Variants in SYN3 observed in about 807,000 individuals in gnomAD.
The protein encoded by SYN3 is synapsin III.
A neutral mutation model predicts 65.8 loss-of-function variants in SYN3; 35 were observed. The observed-to-expected ratio is 0.53, with a 90% CI of 0.41 to 0.70. SYN3 has a LOEUF of 0.70. Ranked by LOEUF, SYN3 falls within the 30% of genes least tolerant of loss-of-function variation. The pLI is 0.00. For synonymous variants in SYN3, 270 were observed against 292.9 expected (o/e 0.92, Z 0.80); for missense variants, 680 against 749.0 (o/e 0.91, Z 1.08).
chr22:32,963,035 G>A (rs1601797108), intron 3 of SYN3, among the ~76,000 whole-genome samples: 1 of 150,128 alleles, frequency 6.7e-6, no homozygotes, highest in African/African-American at 2.4e-5. Context: ...AGGGATAAAT[G>A]GCTTAAGATA....
chr22:32,720,902 C>A (rs1307244931), intron 6 of SYN3, among the ~76,000 whole-genome samples: 1 of 152,176 alleles, frequency 6.6e-6, no homozygotes, highest in Non-Finnish European at 1.5e-5. Context: ...CCTCTACCCC[C>A]ACCTCTCTGC....
At chr22:33,042,162 C>A (rs2053976026) in intron 1 of SYN3, among the ~76,000 whole-genome samples, 1 of 152,162 alleles carries the variant, frequency 6.6e-6, no homozygotes, top group Non-Finnish European at 1.5e-5. Context: ...TCAAGCAGAA[C>A]CTGACCAGTC....
chr22:32,596,835 T>A, intron 6 of SYN3, 99 bp from the exon 7 acceptor site: 2 of 1,228,750 alleles, frequency 1.6e-6, no homozygotes, highest in Non-Finnish European at 2.3e-6. Context: ...TCATTTCATA[T>A]GGTCGGGAAT....
At chr22:32,771,051 C>T (rs1223233435) in intron 6 of SYN3, among the ~76,000 whole-genome samples, 1 of 152,084 alleles carries the variant, frequency 6.6e-6, no homozygotes, top group Admixed American at 6.5e-5. Context: ...AATGCTCTCC[C>T]TCCCCTTGCC....
intron 6 of SYN3, among the ~76,000 whole-genome samples, chr22:32,820,850 G>A (rs1434247530): frequency 1.3e-5 from 2 of 152,190 alleles, no homozygotes; most frequent in Non-Finnish European, 2.9e-5. Context: ...TAGATTAGAA[G>A]TGATGTATGA....
At chr22:32,597,604 T>C (rs1054652404) in intron 6 of SYN3, among the ~76,000 whole-genome samples, 1 of 152,192 alleles carries the variant, frequency 6.6e-6, no homozygotes, top group Admixed American at 6.5e-5. Context: ...GGCTGCTTAA[T>C]AATAGCGGCC....
chr22:32,540,760 G>A (rs758591705), intron 8 of SYN3, among the ~76,000 whole-genome samples: 84 of 152,292 alleles, frequency 5.5e-4, no homozygotes, highest in East Asian at 9.6e-4. Context: ...CACACTGCAT[G>A]CCTTCTTATA....
At chr22:32,965,141 TGG>T (rs574583793) in intron 3 of SYN3, among the ~76,000 whole-genome samples, 92 of 152,278 alleles carry the variant, frequency 6.0e-4, no homozygotes, top group African/African-American at 2.0e-3. Context: ...CAGTACTCTG[TGG>T]GGTGGTGATG....
chr22:32,740,492 G>A (rs1044148148), intron 6 of SYN3, among the ~76,000 whole-genome samples: 1 of 152,182 alleles, frequency 6.6e-6, no homozygotes, highest in Non-Finnish European at 1.5e-5. Context: ...GAGAAGGGAA[G>A]AGAGATGGAA....
At chr22:32,761,247 A>C (rs1392003608) in intron 6 of SYN3, among the ~76,000 whole-genome samples, 1 of 152,148 alleles carries the variant, frequency 6.6e-6, no homozygotes, top group Non-Finnish European at 1.5e-5. Context: ...CCATATTGCC[A>C]AGTTGAGGGG....
At chr22:32,873,286 GGTGA>G (rs954160262) in intron 4 of SYN3, among the ~76,000 whole-genome samples, 31 of 146,978 alleles carry the variant, frequency 2.1e-4, no homozygotes, top group African/African-American at 7.8e-4. Context: ...GGAGTGAGTG[GGTGA>G]GTGAGTGAGT....
At chr22:32,642,507 C>T (rs985493967) in intron 6 of SYN3, among the ~76,000 whole-genome samples, 2 of 151,662 alleles carry the variant, frequency 1.3e-5, no homozygotes, top group Non-Finnish European at 1.5e-5. Context: ...GTGGCGCAAT[C>T]GCGGCTCACT....
At chr22:32,939,376 A>T (rs1444177547) in intron 3 of SYN3, among the ~76,000 whole-genome samples, 1 of 152,068 alleles carries the variant, frequency 6.6e-6, no homozygotes, top group East Asian at 1.9e-4. Context: ...TGAAAAGGAA[A>T]TATAGATAAA....
chr22:32,700,490 C>A (rs2060796877), intron 6 of SYN3, among the ~76,000 whole-genome samples: 1 of 152,118 alleles, frequency 6.6e-6, no homozygotes, highest in Non-Finnish European at 1.5e-5. Flanking sequence ...CAAACAAGAA[C>A]AATGAAATTT....
At chr22:33,049,998 C>G (rs768593613) in intron 1 of SYN3, among the ~76,000 whole-genome samples, 3 of 152,044 alleles carry the variant, frequency 2.0e-5, no homozygotes, top group Admixed American at 6.6e-5. Flanking sequence ...ATGCAACTCA[C>G]TCACCCCATG....
chr22:32,609,217 G>A (rs1470003945), intron 6 of SYN3, among the ~76,000 whole-genome samples: 1 of 151,954 alleles, frequency 6.6e-6, no homozygotes. Context: ...CCAGTTACTC[G>A]GGAGGCTGAG....
At chr22:32,541,497 G>C in intron 8 of SYN3, 74 bp downstream of exon 8, 1 of 1,578,784 alleles carries the variant, frequency 6.3e-7, no homozygotes. Context: ...TTGGGTGCAG[G>C]AGACAGCGGC....
chr22:32,823,920 G>A (rs1385746467), intron 6 of SYN3, among the ~76,000 whole-genome samples: 2 of 152,084 alleles, frequency 1.3e-5, no homozygotes, highest in Non-Finnish European at 2.9e-5. Context: ...ATATGTCTAA[G>A]GGTCATGGAG....
intron 3 of SYN3, among the ~76,000 whole-genome samples, chr22:32,976,246 C>A (rs1451105323): frequency 6.6e-6 from 1 of 152,166 alleles, no homozygotes; most frequent in African/African-American, 2.4e-5. Flanking sequence ...ATATGTAAAT[C>A]CATGGGTCGT....
Sources: gnomAD v4.1 joint callset for allele counts (sites outside exome capture counted in the v4.1 genomes callset) on GRCh38, gnomAD v4.1.1 for gene constraint, MANE v1.5 for transcripts, NCBI Gene and HGNC (gene_info 2026-07-23, HGNC 2026-07-21) for gene names.